CACNA2D3: variants seen among roughly 807,000 people sequenced by gnomAD.
The protein encoded by CACNA2D3 is voltage-dependent calcium channel subunit alpha-2/delta-3.
In CACNA2D3, 60 loss-of-function variants were observed where a neutral mutation model predicts 160.6. The ratio of observed to expected loss-of-function variants is 0.37; its 90% CI spans 0.30 to 0.46. The LOEUF (loss-of-function observed/expected upper bound fraction) is 0.46, where lower values mean the gene tolerates loss of function less well. Among genes scored for constraint, CACNA2D3 ranks in the 20% least tolerant of loss-of-function variants. The pLI is 1.00. For missense variants in CACNA2D3, 1,205 were observed against 1,365.0 expected (o/e 0.88, Z 1.85); for synonymous variants, 558 against 492.9 (o/e 1.13, Z -1.75).
Position 54,432,253 on chromosome 3 carries a change from C to T in CACNA2D3, c.381+45479C>T, listed in dbSNP as rs1389280536. ...TCTCAACATTCTGATCCTTCTGAAC[C>T]TTCTAATTTTTATATTATTTTTATT... On this transcript the variant is annotated intron_variant, in intron 4 of 37. Coordinates refer to ENST00000474759, the MANE Select transcript of CACNA2D3 (RefSeq NM_018398.3). 2.6e-5 allele frequency among the ~76,000 whole-genome samples: 4 copies of T among 152,224 alleles called. No individual in the cohort carries two copies. In the East Asian group the frequency reaches 7.7e-4, roughly 29 times the overall value.
At chr3:54,408,121 A>G (rs1024282708) in intron 4 of CACNA2D3, among the ~76,000 whole-genome samples, 1 of 152,184 alleles carries the variant, frequency 6.6e-6, no homozygotes, top group Non-Finnish European at 1.5e-5. Context: ...GTAATCATTT[A>G]AATAATTTAA....
chr3:54,446,913 C>G (rs1201625341), intron 4 of CACNA2D3, among the ~76,000 whole-genome samples: 2 of 152,212 alleles, frequency 1.3e-5, no homozygotes, highest in Non-Finnish European at 2.9e-5. Flanking sequence ...AACTCTCCAG[C>G]TCTCCGACAA....
chr3:54,359,294 A>T (rs1698702750), intron 3 of CACNA2D3, among the ~76,000 whole-genome samples: 1 of 152,174 alleles, frequency 6.6e-6, no homozygotes, highest in Non-Finnish European at 1.5e-5. Context: ...CTGAAAACAA[A>T]GGTCTGGGAG....
At chr3:54,511,112 GA>G (rs148782671) in intron 5 of CACNA2D3, among the ~76,000 whole-genome samples, 3,683 of 152,244 alleles carry the variant, frequency 0.024, 147 homozygotes, top group African/African-American at 0.084. Context: ...ACCTCCTGCT[GA>G]GGGTACTGTC....
chr3:54,971,293 T>C (rs1185994266), intron 29 of CACNA2D3, among the ~76,000 whole-genome samples: 1 of 152,218 alleles, frequency 6.6e-6, no homozygotes, highest in Non-Finnish European at 1.5e-5. Context: ...GCCTCTCCCA[T>C]GTCTTTGAGA....
At chr3:54,794,646 T>G (rs927203290) in intron 13 of CACNA2D3, among the ~76,000 whole-genome samples, 2 of 151,956 alleles carry the variant, frequency 1.3e-5, no homozygotes, top group Non-Finnish European at 2.9e-5. Flanking sequence ...TACTTTGCCT[T>G]CTTTTAGAGT....
At chr3:54,801,846 T>TGAGAC (rs1230237213) in intron 13 of CACNA2D3, among the ~76,000 whole-genome samples, 2 of 152,088 alleles carry the variant, frequency 1.3e-5, no homozygotes, top group African/African-American at 4.8e-5. Flanking sequence ...AACTAGAGAT[T>TGAGAC]GAGAAATCAC....
intron 27 of CACNA2D3, among the ~76,000 whole-genome samples, chr3:54,908,435 G>C (rs965745520): frequency 2.6e-5 from 4 of 152,150 alleles, no homozygotes; most frequent in African/African-American, 9.7e-5. Context: ...ACCTTGTCAG[G>C]CCGGGTGTGG....
chr3:54,238,393 T>C (rs974142005), intron 2 of CACNA2D3, among the ~76,000 whole-genome samples: 1 of 152,202 alleles, frequency 6.6e-6, no homozygotes, highest in Non-Finnish European at 1.5e-5. Context: ...TCAGTGATTG[T>C]GCAAAAAAAC....
rs1377100810 is a variant in CACNA2D3, at chr3:54,786,136, ACTT to A, written c.1380+21789_1380+21791del. On this transcript the variant is annotated intron_variant, in intron 13 of 37. Coordinates refer to ENST00000474759, the MANE Select transcript of CACNA2D3 (RefSeq NM_018398.3). ...CCACCTATTACTCTCTCATAGAACC[ACTT>A]CTTGTTCTTGTTAGCACTTAGCACA... Among the ~76,000 whole-genome samples, 3 of 152,284 alleles carry A rather than the reference ACTT, an allele frequency of 2.0e-5. No homozygotes were observed. In the East Asian group the frequency reaches 5.8e-4, roughly 29 times the overall value.
intron 16 of CACNA2D3, 79 bp downstream of exon 16, chr3:54,838,727 C>A: frequency 9.2e-7 from 1 of 1,087,762 alleles, no homozygotes; most frequent in Non-Finnish European, 1.4e-6. Flanking sequence ...AGGCTTCAAA[C>A]TCTACTTTGG....
intron 1 of CACNA2D3, among the ~76,000 whole-genome samples, chr3:54,123,304 CG>C (rs2107240400): frequency 7.6e-6 from 1 of 131,602 alleles, no homozygotes; most frequent in East Asian, 3.0e-4. Flanking sequence ...CTTAACTCCG[CG>C]ACCCCCCTCG....
In CACNA2D3 at chr3:54,763,848, CATATATATACATATAT is replaced by C. The variant is rs1483829319; in HGVS notation, c.1247-364_1247-349del. ...ACGTATATATATGTATATATATGTA[CATATATATACATATAT>C]ATATACGTATATATATGTATATATA... On this transcript the variant is annotated intron_variant, in intron 12 of 37. Coordinates refer to ENST00000474759, the MANE Select transcript of CACNA2D3 (RefSeq NM_018398.3). Among the ~76,000 whole-genome samples, 7 of 32,778 alleles carry C rather than the reference CATATATATACATATAT, an allele frequency of 2.1e-4. 3 individuals carry two copies. The allele number at this position is 32,778 out of a possible 152,430, so 21.5% of individuals were successfully genotyped here.
intron 27 of CACNA2D3, among the ~76,000 whole-genome samples, chr3:54,965,203 A>G (rs910621692): frequency 1.3e-5 from 2 of 151,584 alleles, no homozygotes; most frequent in East Asian, 3.9e-4. Flanking sequence ...TTATTTACAA[A>G]AAGAGGCTGG....
At chr3:54,408,712 A>G (rs945837788) in intron 4 of CACNA2D3, among the ~76,000 whole-genome samples, 5 of 152,230 alleles carry the variant, frequency 3.3e-5, no homozygotes, top group Non-Finnish European at 7.3e-5. Context: ...AAGTCAATCT[A>G]TAACCAAATT....
At chr3:54,697,898 C>G (rs534208108) in intron 11 of CACNA2D3, among the ~76,000 whole-genome samples, 18 of 152,232 alleles carry the variant, frequency 1.2e-4, no homozygotes, top group African/African-American at 4.3e-4. Flanking sequence ...TTCTTCCAGT[C>G]TCATTTCACT....
At position 54,871,208 on chromosome 3, in the gene CACNA2D3, C is replaced by CAGAG. The variant is rs1297498940; in HGVS notation, c.1627-330_1627-329insGAGA. On this transcript the variant is annotated intron_variant, in intron 17 of 37. Coordinates refer to ENST00000474759, the MANE Select transcript of CACNA2D3 (RefSeq NM_018398.3). The stretch of plus-strand genomic sequence containing the variant: ...ACACACACACACACACACACACACA[C>CAGAG]ACACACACACACACACCCCCCATTC... Among the ~76,000 whole-genome samples the CAGAG allele has an allele frequency of 3.6e-4, 42 of 115,600 alleles. 1 individual carries two copies. The highest frequency in any genetic ancestry group is 1.3e-3 in the African/African-American group (38 of 29,166). The allele number at this position is 115,600 out of a possible 152,430, so 75.8% of individuals were successfully genotyped here. A position where few individuals can be genotyped will look rare whatever the true frequency, so the allele number is the denominator to read the frequency against.
At chr3:54,476,825 T>G (rs1399701894) in intron 4 of CACNA2D3, among the ~76,000 whole-genome samples, 1 of 152,220 alleles carries the variant, frequency 6.6e-6, no homozygotes, top group African/African-American at 2.4e-5. Context: ...ATTGAATATA[T>G]GGTTTACAAA....
intron 8 of CACNA2D3, among the ~76,000 whole-genome samples, chr3:54,573,604 G>A (rs1490821762): frequency 1.3e-5 from 2 of 152,176 alleles, no homozygotes; most frequent in African/African-American, 2.4e-5. Flanking sequence ...TGCACTGAAT[G>A]GAATGCATAT....
Sources: allele counts gnomAD v4.1 joint callset (sites outside exome capture counted in the v4.1 genomes callset), GRCh38; gene constraint gnomAD v4.1.1; transcripts MANE v1.5; gene names NCBI Gene and HGNC (gene_info 2026-07-23, HGNC 2026-07-21).